MAST2: variants seen among roughly 807,000 people sequenced by gnomAD.
MAST2 encodes the protein microtubule-associated serine/threonine-protein kinase 2.
In MAST2, 70 loss-of-function variants were observed where a neutral mutation model predicts 147.4. That is an observed-to-expected ratio of 0.47 (90% CI 0.39 to 0.58). MAST2 has a LOEUF of 0.58. Among genes scored for constraint, MAST2 ranks in the 20% least tolerant of loss-of-function variants. The pLI, the probability that MAST2 is intolerant of heterozygous loss-of-function variation, is 0.00. For missense variants in MAST2, 2,080 were observed against 2,302.3 expected, an observed-to-expected ratio of 0.90 and a Z score of 1.98; for synonymous variants, 869 against 896.8, an observed-to-expected ratio of 0.97 and a Z score of 0.55.
At chr1:45,807,474 GC>G (rs1644175093) in intron 1 of MAST2, among the ~76,000 whole-genome samples, 1 of 151,802 alleles carries the variant, frequency 6.6e-6, no homozygotes, top group African/African-American at 2.4e-5. Context: ...TCTTTCCTTA[GC>G]TCTACATTTC....
At chr1:46,004,578 T>C (rs1383765257) in intron 7 of MAST2, among the ~76,000 whole-genome samples, 1 of 152,210 alleles carries the variant, frequency 6.6e-6, no homozygotes, top group Admixed American at 6.5e-5. Context: ...TTTTTGCAAC[T>C]TTGATCCAAA....
intron 5 of MAST2, among the ~76,000 whole-genome samples, chr1:45,985,374 G>A (rs1281607864): frequency 6.6e-6 from 1 of 152,022 alleles, no homozygotes; most frequent in African/African-American, 2.4e-5. Flanking sequence ...GATTACAGGC[G>A]TGAGCCACCG....
At chr1:46,028,002 A>G (rs1003092756) in intron 17 of MAST2, 139 bp downstream of exon 17, 10 of 956,222 alleles carry the variant, frequency 1.0e-5, no homozygotes, top group Non-Finnish European at 1.4e-5. Flanking sequence ...ACATAGTGAG[A>G]CCCCATCTCT....
At chr1:45,905,699 C>T (rs1650592318) in intron 4 of MAST2, among the ~76,000 whole-genome samples, 1 of 151,850 alleles carries the variant, frequency 6.6e-6, no homozygotes, top group Non-Finnish European at 1.5e-5. Flanking sequence ...TGGCGTGAAC[C>T]CAGGAGGCGG....
At chr1:45,964,253 G>C (rs183552013) in intron 5 of MAST2, among the ~76,000 whole-genome samples, 53 of 152,172 alleles carry the variant, frequency 3.5e-4, no homozygotes, top group East Asian at 3.1e-3. Flanking sequence ...GGAGGATTCC[G>C]TCTTTTTCTA....
chr1:45,946,655 T>C (rs531079179), intron 4 of MAST2, among the ~76,000 whole-genome samples: 144 of 152,318 alleles, frequency 9.5e-4, no homozygotes, highest in African/African-American at 3.2e-3. Context: ...TTTGCATTGC[T>C]GGTGGTCTTT....
At chr1:45,856,007 T>C (rs764210536) in intron 3 of MAST2, among the ~76,000 whole-genome samples, 3 of 152,188 alleles carry the variant, frequency 2.0e-5, no homozygotes, top group Non-Finnish European at 2.9e-5. Context: ...CTTGGATTGA[T>C]CTTGAATATT....
intron 3 of MAST2, among the ~76,000 whole-genome samples, chr1:45,854,558 T>A (rs1645728755): frequency 6.6e-6 from 1 of 152,180 alleles, no homozygotes; most frequent in Non-Finnish European, 1.5e-5. Context: ...AATTTTAGAA[T>A]AAGCTTTTTT....
chr1:45,875,381 G>A (rs1646561504), intron 3 of MAST2, among the ~76,000 whole-genome samples: 1 of 152,168 alleles, frequency 6.6e-6, no homozygotes, highest in South Asian at 2.1e-4. Context: ...GGGAGACGGA[G>A]GTTGCAGTGA....
intron 6 of MAST2, among the ~76,000 whole-genome samples, chr1:46,000,655 A>C (rs975419495): frequency 2.0e-5 from 3 of 152,172 alleles, no homozygotes; most frequent in African/African-American, 7.2e-5. Context: ...TAGTAAGAAA[A>C]GCTGCTGGTT....
At chr1:45,881,233 T>C (rs1468188202) in intron 3 of MAST2, among the ~76,000 whole-genome samples, 1 of 152,162 alleles carries the variant, frequency 6.6e-6, no homozygotes, top group Non-Finnish European at 1.5e-5. Context: ...GAAAATTAAA[T>C]TTCCATTTAC....
Position 45,855,667 on chromosome 1 carries a change from G to A in MAST2, c.468+26086G>A, listed in dbSNP as rs138689073. ...AGTTTTTACATGTTTGTTGCTACTA[G>A]TATATAGAAATATGGTTGGTTTTCG... On this transcript the variant is annotated intron_variant, in intron 3 of 28. Transcript: ENST00000361297. Among the ~76,000 whole-genome samples the A allele has an allele frequency of 7.0e-3, 1,067 of 152,044 alleles. 9 individuals are homozygous for A. The highest frequency in any genetic ancestry group is 0.017 in the Middle Eastern group (5 of 292).
At chr1:45,903,733 A>G (rs183523725) in intron 4 of MAST2, among the ~76,000 whole-genome samples, 16 of 152,262 alleles carry the variant, frequency 1.1e-4, no homozygotes, top group African/African-American at 3.6e-4. Context: ...AATTTTAGAG[A>G]ATGTTCTGTG....
chr1:45,992,689 A>G (rs753325860), intron 5 of MAST2, among the ~76,000 whole-genome samples: 1 of 152,134 alleles, frequency 6.6e-6, no homozygotes, highest in African/African-American at 2.4e-5. Flanking sequence ...ATGATTAGCT[A>G]TTGACTCAGT....
intron 4 of MAST2, among the ~76,000 whole-genome samples, chr1:45,938,160 T>C (rs549695802): frequency 6.6e-5 from 10 of 152,252 alleles, no homozygotes; most frequent in Admixed American, 3.3e-4. Flanking sequence ...GGATAGACCA[T>C]ATTTTGTTAG....
intron 1 of MAST2, among the ~76,000 whole-genome samples, chr1:45,808,109 T>G: frequency 6.6e-6 from 1 of 152,230 alleles, no homozygotes; most frequent in East Asian, 1.9e-4. Context: ...ATGTAGGACT[T>G]GGATCTCCAG....
intron 3 of MAST2, among the ~76,000 whole-genome samples, chr1:45,874,210 T>TA (rs552936018): frequency 1.3e-3 from 199 of 152,326 alleles, no homozygotes; most frequent in African/African-American, 4.4e-3. Context: ...GTCACACAGT[T>TA]ACATGTTTTT....
chr1:46,033,705 A>C (rs1646776093), intron 26 of MAST2, 97 bp from the exon 27 acceptor site: 1 of 1,473,614 alleles, frequency 6.8e-7, no homozygotes, highest in South Asian at 1.3e-5. Context: ...AAAAAGCTGG[A>C]GCTGTGGTAT....
At chr1:45,893,417 G>A (rs1171996169) in intron 4 of MAST2, among the ~76,000 whole-genome samples, 2 of 151,118 alleles carry the variant, frequency 1.3e-5, no homozygotes, top group East Asian at 3.9e-4. Context: ...TTTGCAGGGG[G>A]CGGGGTAGAG....
Sources: allele counts gnomAD v4.1 joint callset (sites outside exome capture counted in the v4.1 genomes callset), GRCh38; gene constraint gnomAD v4.1.1; transcripts MANE v1.5; gene names NCBI Gene and HGNC (gene_info 2026-07-23, HGNC 2026-07-21).